KCNJ16: variants seen among roughly 807,000 people sequenced by gnomAD.
The protein encoded by KCNJ16 is inward rectifier potassium channel 16.
KCNJ16 carries 15 observed loss-of-function variants against 18.5 expected under a neutral mutation model. The observed-to-expected ratio is 0.81, with a 90% CI of 0.54 to 1.25. The LOEUF is 1.25. KCNJ16 is among the 50% of genes most tolerant of loss of function. The pLI, the probability that KCNJ16 is intolerant of heterozygous loss-of-function variation, is 0.00. For synonymous variants in KCNJ16, 174 were observed against 186.5 expected, an observed-to-expected ratio of 0.93 and a Z score of 0.55; for missense variants, 523 against 525.7, an observed-to-expected ratio of 0.99 and a Z score of 0.05.
chr17:70,122,450 T>G (rs2073681450), intron 2 of KCNJ16, among the ~76,000 whole-genome samples: 1 of 152,166 alleles, frequency 6.6e-6, no homozygotes, highest in Admixed American at 6.5e-5. Flanking sequence ...GTGCTGGAAT[T>G]ACAGGCGTGA....
intron 2 of KCNJ16, among the ~76,000 whole-genome samples, chr17:70,126,462 C>T (rs900618834): frequency 5.3e-5 from 8 of 152,168 alleles, no homozygotes. Context: ...TATTGAATGA[C>T]TCTTGTGTGC....
At chr17:70,118,357 A>G (rs1759640152) in intron 2 of KCNJ16, among the ~76,000 whole-genome samples, 4 of 152,130 alleles carry the variant, frequency 2.6e-5, no homozygotes, top group South Asian at 2.1e-4. Context: ...ATATATACCT[A>G]TGTAACAAAC....
At position 70,132,684 on chromosome 17, in the gene KCNJ16, C is replaced by T; in HGVS notation, c.597C>T (p.Leu199=). Residue 199 remains leucine, a synonymous_variant, in exon 4 of 4, where the codon CTC becomes CTT. Transcript: ENST00000392671. The part of the protein sequence containing the change: ...LIGMRDGKLC[L]MWRIGDFRPN... Reference sequence around the variant, plus strand: ...GTATGAGAGATGGGAAGCTTTGCCTCATGTGGCGCATTGGTGATTTTCGGC... The same window carrying T: ...GTATGAGAGATGGGAAGCTTTGCCTTATGTGGCGCATTGGTGATTTTCGGC... 6.2e-7 allele frequency: 1 copy of T among 1,614,196 alleles called. No homozygotes were observed. Among genetic ancestry groups the T allele is most frequent in the Non-Finnish European group, 8.5e-7 (1 of 1,180,034 alleles).
At chr17:70,098,637 G>T (rs1007890424) in intron 1 of KCNJ16, among the ~76,000 whole-genome samples, 1 of 151,468 alleles carries the variant, frequency 6.6e-6, no homozygotes, top group Non-Finnish European at 1.5e-5. Flanking sequence ...ACTGATATAC[G>T]GGCTTTCCCC....
chr17:70,111,784 C>G (rs2073195352), intron 2 of KCNJ16, among the ~76,000 whole-genome samples: 1 of 152,012 alleles, frequency 6.6e-6, no homozygotes. Context: ...TAAGGGGAAA[C>G]CCCTTTTGCT....
chr17:70,084,260 T>A (rs776272546), intron 1 of KCNJ16, among the ~76,000 whole-genome samples: 4 of 152,182 alleles, frequency 2.6e-5, no homozygotes, highest in Non-Finnish European at 4.4e-5. Flanking sequence ...GTAGTCTCAG[T>A]TAGTTAAATT....
At chr17:70,131,898 A>C in intron 3 of KCNJ16, 97 bp from the exon 4 acceptor site, 1 of 1,037,404 alleles carries the variant, frequency 9.6e-7, no homozygotes, top group Non-Finnish European at 1.4e-6. Context: ...AGTCGTAGCT[A>C]TTTTAGATGG....
At chr17:70,107,971 A>G (rs2073009273) in intron 2 of KCNJ16, among the ~76,000 whole-genome samples, 3 of 152,188 alleles carry the variant, frequency 2.0e-5, no homozygotes, top group African/African-American at 7.2e-5. Flanking sequence ...CACTCAGTAG[A>G]TTGCTTCTGT....
At chr17:70,089,772 AAGTT>A (rs2143682758) in intron 1 of KCNJ16, among the ~76,000 whole-genome samples, 1 of 152,330 alleles carries the variant, frequency 6.6e-6, no homozygotes, top group Non-Finnish European at 1.5e-5. Flanking sequence ...AAAAGATTAA[AAGTT>A]AGTTACTCCA....
chr17:70,095,420 A>G (rs8070915), intron 1 of KCNJ16, among the ~76,000 whole-genome samples: 129,134 of 152,128 alleles, frequency 0.85, 54,877 homozygotes, highest in East Asian at 0.96. Context: ...ACCAACCAGA[A>G]AAAGAAAATG....
At chr17:70,121,869 G>T (rs2073653986) in intron 2 of KCNJ16, among the ~76,000 whole-genome samples, 2 of 152,122 alleles carry the variant, frequency 1.3e-5, no homozygotes. Flanking sequence ...TGAGGTATGA[G>T]AATTCCTTGA....
chr17:70,125,386 G>A (rs1178323364), intron 2 of KCNJ16, among the ~76,000 whole-genome samples: 1 of 152,182 alleles, frequency 6.6e-6, no homozygotes, highest in Non-Finnish European at 1.5e-5. Flanking sequence ...GGAAACAGTG[G>A]CACTATTCCT....
chr17:70,130,853 C>T, intron 2 of KCNJ16, 26 bp from the exon 3 acceptor site: 4 of 1,011,930 alleles, frequency 4.0e-6, no homozygotes, highest in Non-Finnish European at 6.0e-6. Flanking sequence ...GGCTACAATA[C>T]TTTTATTTTT....
intron 1 of KCNJ16, among the ~76,000 whole-genome samples, chr17:70,092,549 T>TAGATAGATAGATAC (rs145530733): frequency 8.2e-6 from 1 of 121,924 alleles, no homozygotes; most frequent in African/African-American, 3.1e-5. Flanking sequence ...TATAGATAGA[T>TAGATAGATAGATAC]ATAGATAGAT....
chr17:70,131,108 T>G, intron 3 of KCNJ16, 133 bp downstream of exon 3: 2 of 1,034,706 alleles, frequency 1.9e-6, no homozygotes, highest in Non-Finnish European at 2.9e-6. Flanking sequence ...AATTGTAGCG[T>G]GCTCCCTTTA....
Position 70,131,073 on chromosome 17 carries a change from A to G in KCNJ16, c.-94+98A>G. ...ATGTCCGTGAAAGTATCAGGAAAAC[A>G]CTGAAAAGCCGGAGAGAAGGGTTCA... On this transcript the variant is annotated intron_variant, in intron 3 of 3. Transcript: ENST00000392671. 3 of 1,236,478 alleles carry G rather than the reference A, an allele frequency of 2.4e-6. No individual in the cohort carries two copies. In the South Asian group the frequency reaches 3.9e-5, roughly 16 times the overall value. The allele number at this position is 1,236,478 out of a possible 1,614,324, so 76.6% of individuals were successfully genotyped here. A position where few individuals can be genotyped will look rare whatever the true frequency, so the allele number is the denominator to read the frequency against.
In KCNJ16 at chr17:70,132,573, C is replaced by T. The variant is rs769378001; in HGVS notation, c.486C>T (p.Thr162=). The T allele has an allele frequency of 4.3e-6, 7 of 1,614,060 alleles. No individual in the cohort carries two copies. The African/African-American group carries it at 5.3e-5, about 12-fold the overall frequency. The change falls in exon 4 of 4, where the codon ACC becomes ACT. Residue 162 remains threonine, a synonymous_variant. Transcript: ENST00000392671. ...LQSILSCIIN[T]FIIGAALAKM... ...CCATCTTAAGTTGCATCATAAATAC[C>T]TTTATCATTGGAGCTGCCTTGGCCA...
intron 2 of KCNJ16, among the ~76,000 whole-genome samples, chr17:70,106,718 T>C (rs1429837711): frequency 6.6e-6 from 1 of 152,166 alleles, no homozygotes; most frequent in African/African-American, 2.4e-5. Context: ...ACATCCACAT[T>C]CCACCCTGGA....
At chr17:70,126,780 C>T (rs913114446) in intron 2 of KCNJ16, among the ~76,000 whole-genome samples, 1 of 152,178 alleles carries the variant, frequency 6.6e-6, no homozygotes, top group South Asian at 2.1e-4. Context: ...AACTCGGTAA[C>T]TTAAAATTAT....
Sources: gnomAD v4.1 joint callset for allele counts (sites outside exome capture counted in the v4.1 genomes callset) on GRCh38, gnomAD v4.1.1 for gene constraint, MANE v1.5 for transcripts, NCBI Gene and HGNC (gene_info 2026-07-23, HGNC 2026-07-21) for gene names.